The following FAM20A variants were observed in gnomAD, a reference collection of about 807,000 sequenced individuals.
The protein encoded by FAM20A is FAM20A golgi associated secretory pathway pseudokinase, also known as pseudokinase FAM20A.
In FAM20A, 42 loss-of-function variants were observed where a neutral mutation model predicts 52.0. The observed-to-expected ratio is 0.81, with a 90% CI of 0.63 to 1.04. The LOEUF (loss-of-function observed/expected upper bound fraction) is 1.04, where lower values mean the gene tolerates loss of function less well. Among genes scored for constraint, FAM20A ranks in the 50% least tolerant of loss-of-function variants. FAM20A has a pLI of 0.00. For missense variants in FAM20A, 742 were observed against 712.7 expected (o/e 1.04, Z -0.47); for synonymous variants, 304 against 298.9 (o/e 1.02, Z -0.18).
chr17:68,573,463 CT>C (rs1430059239), intron 1 of FAM20A, among the ~76,000 whole-genome samples: 2 of 144,430 alleles, frequency 1.4e-5, no homozygotes, highest in African/African-American at 5.6e-5. Flanking sequence ...TTTCTTCTTT[CT>C]TTCTTTCTTT....
At chr17:68,546,331 C>CA in intron 4 of FAM20A, among the ~76,000 whole-genome samples, 1 of 152,176 alleles carries the variant, frequency 6.6e-6, no homozygotes, top group Admixed American at 6.5e-5. Flanking sequence ...TTGAACCCCT[C>CA]AAAGTCATCC....
At position 68,552,665 on chromosome 17, in the gene FAM20A, C is replaced by CTTTTTTTTTT. The variant is rs1568739140; in HGVS notation, c.641-715_641-714insAAAAAAAAAA. ...CTGGAGCCCTGTAAACCTTTATTTT[C>CTTTTTTTTTT]CTTTTTTTTTTTTTTTTTTTTTTTT... On this transcript the variant is annotated intron_variant, in intron 3 of 10. Coordinates refer to ENST00000592554, the MANE Select transcript of FAM20A (RefSeq NM_017565.4). Among the ~76,000 whole-genome samples, 74 of 109,990 alleles carry CTTTTTTTTTT rather than the reference C, an allele frequency of 6.7e-4. 8 individuals are homozygous for CTTTTTTTTTT. The highest frequency in any genetic ancestry group is 2.4e-3 in the African/African-American group (74 of 30,994). The allele number at this position is 109,990 out of a possible 152,430, so 72.2% of individuals were successfully genotyped here. A position where few individuals can be genotyped will look rare whatever the true frequency, so the allele number is the denominator to read the frequency against.
At chr17:68,587,615 C>A (rs1400049840) in intron 1 of FAM20A, among the ~76,000 whole-genome samples, 3 of 152,188 alleles carry the variant, frequency 2.0e-5, no homozygotes, top group Non-Finnish European at 4.4e-5. Flanking sequence ...CCACTGTGGA[C>A]AACTAAAGCC....
In FAM20A at chr17:68,600,149, C is replaced by T. The variant is rs2088572071; in HGVS notation, c.404+114G>A. 2.5e-5 allele frequency: 31 copies of T among 1,259,454 alleles called. No individual in the cohort carries two copies. The South Asian group carries it at 3.7e-4, about 15-fold the overall frequency. 78.0% of individuals were successfully genotyped at this position (1,259,454 alleles called of 1,614,324 possible). ...CTAAGCCCAGCGCCAGGGCTGGAGC[C>T]GTGGGTGGAGCCGCTGCAGCCCTGG... On this transcript the variant is annotated intron_variant, in intron 1 of 10. Coordinates refer to ENST00000592554, the MANE Select transcript of FAM20A (RefSeq NM_017565.4). The surrounding 1 kb of genome is among the most constrained non-coding windows in gnomAD (Gnocchi z 6.2).
At position 68,554,846 on chromosome 17, in the gene FAM20A, G is replaced by A. The variant is rs2087009543; in HGVS notation, c.590-19C>T. ...CTGTAATCTGCAAAGGAGGAGAAGG[G>A]CAATGAGAACTTCCAGTCTTGTTCC... On this transcript the variant is annotated intron_variant, in intron 2 of 10. Transcript: ENST00000592554. The A allele has an allele frequency of 1.2e-6, 2 of 1,613,788 alleles. No homozygotes were observed. Among genetic ancestry groups the A allele is most frequent in the Non-Finnish European group, 1.7e-6 (2 of 1,179,722 alleles).
chr17:68,539,767 CAA>C, intron 9 of FAM20A, 116 bp downstream of exon 9: 1 of 921,742 alleles, frequency 1.1e-6, no homozygotes, highest in South Asian at 1.4e-5. Flanking sequence ...TCGAAGGAGA[CAA>C]GGCACGTGGT....
rs950991487 is a variant in FAM20A at position 68,535,591 on chromosome 17, A to G, written c.*1886T>C. 2 of 453,940 alleles carry G rather than the reference A, an allele frequency of 4.4e-6. No individual in the cohort carries two copies. Among genetic ancestry groups the G allele is most frequent in the Non-Finnish European group, 8.8e-6 (2 of 226,770 alleles). 28.1% of individuals were successfully genotyped at this position (453,940 alleles called of 1,614,324 possible). A position where few individuals can be genotyped will look rare whatever the true frequency, so the allele number is the denominator to read the frequency against. Reference sequence around the variant, plus strand: ...GACAGTGAATGAAGTGGGGAGCCCTATGCTGCAGTAGGGCCACAACAGTTA... The same window carrying G: ...GACAGTGAATGAAGTGGGGAGCCCTGTGCTGCAGTAGGGCCACAACAGTTA... On this transcript the variant is annotated 3_prime_UTR_variant, in exon 11 of 11. Transcript: ENST00000592554.
chr17:68,570,015 A>G (rs1391907563), intron 1 of FAM20A, among the ~76,000 whole-genome samples: 1 of 152,220 alleles, frequency 6.6e-6, no homozygotes, highest in Non-Finnish European at 1.5e-5. Flanking sequence ...GGTAGAGTCT[A>G]TTTCTGTTTC....
At chr17:68,590,613 AG>A (rs150659564) in intron 1 of FAM20A, among the ~76,000 whole-genome samples, 1 of 152,370 alleles carries the variant, frequency 6.6e-6, no homozygotes, top group African/African-American at 2.4e-5. Context: ...TGGTATAAAA[AG>A]TCTGCACATG....
intron 1 of FAM20A, among the ~76,000 whole-genome samples, chr17:68,595,988 T>A (rs1192579979): frequency 3.9e-5 from 6 of 152,146 alleles, no homozygotes; most frequent in Admixed American, 3.9e-4. Flanking sequence ...TCTCCACCCT[T>A]CTCCTCTATC....
chr17:68,541,793 C>G, intron 7 of FAM20A, 192 bp downstream of exon 7: 1 of 639,630 alleles, frequency 1.6e-6, no homozygotes, highest in Non-Finnish European at 2.7e-6. Context: ...ATGGAAGGTT[C>G]TTTAGAACTG....
Position 68,535,801 on chromosome 17 carries a change from C to T in FAM20A, c.*1676G>A, listed in dbSNP as rs541361357. 1.9e-4 allele frequency: 85 copies of T among 453,656 alleles called. 2 individuals are homozygous for T. The highest frequency in any genetic ancestry group is 1.3e-3 in the South Asian group (84 of 64,458). 28.1% of individuals were successfully genotyped at this position (453,656 alleles called of 1,614,324 possible). ...TGGGATTACAGGTGTGAGCCCATGC[C>T]CAGCTGATTTTTTTTTTAAGCAAAC... is the stretch of plus-strand genomic sequence containing the variant. On this transcript the variant is annotated 3_prime_UTR_variant, in exon 11 of 11. Transcript: ENST00000592554.
intron 4 of FAM20A, among the ~76,000 whole-genome samples, chr17:68,548,725 ATTTTTTTTT>A (rs753348891): frequency 1.3e-5 from 1 of 79,158 alleles, no homozygotes; most frequent in African/African-American, 5.5e-5. Context: ...ATGCCTGTAT[ATTTTTTTTT>A]TTTTTTTTTT....
chr17:68,554,494 T>A (rs570098912), intron 3 of FAM20A, among the ~76,000 whole-genome samples: 1 of 152,342 alleles, frequency 6.6e-6, no homozygotes, highest in Non-Finnish European at 1.5e-5. Context: ...ATTCAGATTC[T>A]GATTCAGAAA....
chr17:68,543,665 C>T lies in FAM20A; in HGVS notation c.776G>A (p.Arg259Lys). The T allele has an allele frequency of 2.5e-6, 4 of 1,614,144 alleles. No individual in the cohort carries two copies. Among genetic ancestry groups the T allele is most frequent in the Non-Finnish European group, 3.4e-6 (4 of 1,180,018 alleles). ...VDFFYFIDFQ[R>K]HNAEIAAFHL... ...GAAAGCTGCGATCTCAGCATTGTGT[C>T]TCTGAAAGTCAATGAAGTAGAAGAA... is the stretch of plus-strand genomic sequence containing the variant. The change falls in exon 5 of 11, where the codon AGA (arginine) becomes AAA (lysine). Residue 259 changes from arginine to lysine, a missense_variant. Transcript: ENST00000592554.
At chr17:68,572,170 C>T (rs2087583080) in intron 1 of FAM20A, among the ~76,000 whole-genome samples, 1 of 151,476 alleles carries the variant, frequency 6.6e-6, no homozygotes, top group South Asian at 2.1e-4. Flanking sequence ...CATTCACCTG[C>T]CTTGACTTCC....
intron 1 of FAM20A, among the ~76,000 whole-genome samples, chr17:68,581,350 T>TTTTCTTTCTTTCTTCTTTCTTTCTTTC (rs2087943532): frequency 1.1e-5 from 1 of 92,218 alleles, no homozygotes; most frequent in African/African-American, 4.8e-5. Flanking sequence ...GAAATGCAGT[T>TTTTCTTTCTTTCTTCTTTCTTTCTTTC]TTTCTTTCTT....
intron 1 of FAM20A, among the ~76,000 whole-genome samples, chr17:68,557,285 C>A (rs1260982897): frequency 6.6e-6 from 1 of 152,066 alleles, no homozygotes; most frequent in African/African-American, 2.4e-5. Context: ...GGATTTGAAT[C>A]CATTTGTGAT....
intron 10 of FAM20A, among the ~76,000 whole-genome samples, 179 bp downstream of exon 10, chr17:68,539,158 T>C (rs1315979041): frequency 6.6e-6 from 1 of 152,252 alleles, no homozygotes; most frequent in East Asian, 1.9e-4. Flanking sequence ...ATATGCAGTC[T>C]GTCATTGGCT....
Sources: allele counts gnomAD v4.1 joint callset (sites outside exome capture counted in the v4.1 genomes callset), GRCh38; gene constraint gnomAD v4.1.1; non-coding constraint Gnocchi (gnomAD v3.1); transcripts MANE v1.5; gene names NCBI Gene and HGNC (gene_info 2026-07-23, HGNC 2026-07-21).